The following LRP1B variants were observed in gnomAD, a reference collection of about 807,000 sequenced individuals.
LRP1B encodes LDL receptor related protein 1B.
In LRP1B, 217 loss-of-function variants were observed where a neutral mutation model predicts 556.6. The ratio of observed to expected loss-of-function variants is 0.39; its 90% CI spans 0.35 to 0.44. LRP1B has a LOEUF of 0.44. Ranked by LOEUF, LRP1B falls within the 20% of genes least tolerant of loss-of-function variation. The pLI, the probability that LRP1B is intolerant of heterozygous loss-of-function variation, is 1.00. For missense variants in LRP1B, 5,053 were observed against 5,620.8 expected, an observed-to-expected ratio of 0.90 and a Z score of 3.23; for synonymous variants, 2,047 against 1,865.8, an observed-to-expected ratio of 1.10 and a Z score of -2.50.
chr2:140,698,043 C>T (rs1400712402), intron 41 of LRP1B, among the ~76,000 whole-genome samples: 2 of 151,698 alleles, frequency 1.3e-5, no homozygotes, highest in East Asian at 3.9e-4. Context: ...GATGTGTAAA[C>T]TATACCTAAA....
rs936652840 is a variant in LRP1B, at chr2:140,404,295, C to G, written c.10415-18286G>C. On this transcript the variant is annotated intron_variant, in intron 66 of 90. Transcript: ENST00000389484. ...GTTCACGCCATTCTCCTGCCTCAGC[C>G]TCCCGAGTAGCTGAGACTTCAGGTG... Among the ~76,000 whole-genome samples, 3 of 151,512 alleles carry G rather than the reference C, an allele frequency of 2.0e-5. 1 individual carries two copies. The South Asian group carries it at 6.3e-4, about 32-fold the overall frequency.
At chr2:140,947,434 T>A (rs569977185) in intron 20 of LRP1B, among the ~76,000 whole-genome samples, 1 of 152,192 alleles carries the variant, frequency 6.6e-6, no homozygotes. Flanking sequence ...GTGGATTTGA[T>A]CAGTTTTGAC....
intron 2 of LRP1B, among the ~76,000 whole-genome samples, chr2:141,734,110 T>A (rs1693379432): frequency 6.6e-6 from 1 of 152,056 alleles, no homozygotes; most frequent in South Asian, 2.1e-4. Context: ...TTAAAAAAAA[T>A]TAACCTTTAT....
intron 1 of LRP1B, among the ~76,000 whole-genome samples, chr2:142,087,371 T>C (rs943921653): frequency 6.6e-6 from 1 of 152,026 alleles, no homozygotes; most frequent in Admixed American, 6.6e-5. Context: ...ATGTCTTACT[T>C]TGGCAGTAAT....
intron 25 of LRP1B, among the ~76,000 whole-genome samples, chr2:140,877,441 AC>A (rs1189615627): frequency 2.0e-5 from 3 of 152,158 alleles, no homozygotes; most frequent in Admixed American, 2.0e-4. Context: ...GAAACCAGAG[AC>A]TCATGTTCTT....
At chr2:140,599,931 T>A (rs1682588330) in intron 42 of LRP1B, among the ~76,000 whole-genome samples, 1 of 152,140 alleles carries the variant, frequency 6.6e-6, no homozygotes, top group Non-Finnish European at 1.5e-5. Context: ...AAAATATCTG[T>A]TAATCTATTA....
intron 43 of LRP1B, among the ~76,000 whole-genome samples, chr2:140,552,780 C>A (rs1432908667): frequency 1.3e-5 from 2 of 152,086 alleles, no homozygotes; most frequent in Non-Finnish European, 2.9e-5. Context: ...AATGGTAATT[C>A]ATGTTTCTTC....
intron 1 of LRP1B, among the ~76,000 whole-genome samples, chr2:142,089,901 T>G (rs1020083054): frequency 2.0e-5 from 3 of 152,224 alleles, no homozygotes; most frequent in African/African-American, 7.2e-5. Context: ...GCTTTTGATA[T>G]TATCCAGTTT....
intron 3 of LRP1B, among the ~76,000 whole-genome samples, chr2:141,419,728 A>G (rs984075877): frequency 5.9e-5 from 9 of 151,688 alleles, no homozygotes; most frequent in East Asian, 3.9e-4. Context: ...TATTTTTTCT[A>G]TTGTTTCTAT....
chr2:140,640,284 C>A (rs1310114446), intron 41 of LRP1B, among the ~76,000 whole-genome samples: 1 of 150,844 alleles, frequency 6.6e-6, no homozygotes, highest in Non-Finnish European at 1.5e-5. Flanking sequence ...AGCCATCGCG[C>A]CGGGCCTCAA....
At chr2:140,931,574 G>T (rs1011019514) in intron 20 of LRP1B, among the ~76,000 whole-genome samples, 1 of 152,084 alleles carries the variant, frequency 6.6e-6, no homozygotes, top group Non-Finnish European at 1.5e-5. Flanking sequence ...AATAATGTGT[G>T]GATAACTAGG....
At chr2:140,336,157 CT>C (rs141349826) in intron 77 of LRP1B, among the ~76,000 whole-genome samples, 3,360 of 152,022 alleles carry the variant, frequency 0.022, 44 homozygotes, top group Non-Finnish European at 0.023. Context: ...AACCATAATT[CT>C]GATATCTAAC....
At chr2:140,622,622 TTTAA>T (rs1457520809) in intron 41 of LRP1B, among the ~76,000 whole-genome samples, 2 of 152,200 alleles carry the variant, frequency 1.3e-5, no homozygotes, top group Non-Finnish European at 2.9e-5. Flanking sequence ...CCATTAGAAC[TTTAA>T]TTAATTTTTT....
chr2:141,152,134 G>A (rs1701940559), intron 7 of LRP1B, among the ~76,000 whole-genome samples: 1 of 151,600 alleles, frequency 6.6e-6, no homozygotes, highest in Non-Finnish European at 1.5e-5. Context: ...TTTTTAAGAA[G>A]CAGCACAGTA....
At chr2:140,972,788 T>C (rs1436610001) in intron 18 of LRP1B, among the ~76,000 whole-genome samples, 1 of 151,666 alleles carries the variant, frequency 6.6e-6, no homozygotes, top group Non-Finnish European at 1.5e-5. Context: ...ATTTGGAAAC[T>C]AGAGAGAGGT....
At position 140,700,709 on chromosome 2, in the gene LRP1B, C is replaced by A. The variant is rs915187556; in HGVS notation, c.6428-88G>T. 5.9e-6 allele frequency: 8 copies of A among 1,348,300 alleles called. No individual in the cohort carries two copies. The East Asian group carries it at 1.2e-4, about 20-fold the overall frequency. 83.5% of individuals were successfully genotyped at this position (1,348,300 alleles called of 1,614,324 possible). On this transcript the variant is annotated intron_variant, in intron 40 of 90. Coordinates refer to ENST00000389484, the MANE Select transcript of LRP1B (RefSeq NM_018557.3). ...AATTCTCCATAAAGAAATATTAAAACTTTGATGTTGAATATTCTCTTTTTG... is the reference window on the plus strand; with the variant it reads ...AATTCTCCATAAAGAAATATTAAAAATTTGATGTTGAATATTCTCTTTTTG...
chr2:140,672,620 C>T (rs2105361789), intron 41 of LRP1B, among the ~76,000 whole-genome samples: 1 of 152,138 alleles, frequency 6.6e-6, no homozygotes, highest in Non-Finnish European at 1.5e-5. Context: ...TTTCACTCTT[C>T]CCTCTGAATT....
intron 2 of LRP1B, among the ~76,000 whole-genome samples, chr2:141,740,314 A>G (rs1470009316): frequency 1.3e-5 from 2 of 152,184 alleles, no homozygotes; most frequent in African/African-American, 4.8e-5. Context: ...ATGGTTTTAC[A>G]CTTTAGTCTA....
chr2:140,904,455 T>TAA (rs1402450921), intron 22 of LRP1B, among the ~76,000 whole-genome samples: 2 of 152,172 alleles, frequency 1.3e-5, no homozygotes, highest in African/African-American at 4.8e-5. Flanking sequence ...AATATTTATA[T>TAA]AATGCAAATA....
Sources: allele counts gnomAD v4.1 joint callset (sites outside exome capture counted in the v4.1 genomes callset), GRCh38; gene constraint gnomAD v4.1.1; transcripts MANE v1.5; gene names NCBI Gene and HGNC (gene_info 2026-07-23, HGNC 2026-07-21).